The following LRRIQ3 variants were observed in gnomAD, a reference collection of about 807,000 sequenced individuals.
LRRIQ3 encodes the protein leucine rich repeats and IQ motif containing 3.
LRRIQ3 carries 75 observed loss-of-function variants against 59.3 expected under a neutral mutation model. That is an observed-to-expected ratio of 1.26 (90% CI 1.05 to 1.53). The LOEUF (loss-of-function observed/expected upper bound fraction) is 1.53, where lower values mean the gene tolerates loss of function less well. Among genes scored for constraint, LRRIQ3 ranks in the 40% most tolerant of loss-of-function variants. The probability of loss-of-function intolerance (pLI) is 0.00; values close to 1 mark genes in which losing one functional copy is unlikely to be tolerated. For missense variants in LRRIQ3, 831 were observed against 710.0 expected (o/e 1.17, Z -1.94); for synonymous variants, 250 against 231.3 (o/e 1.08, Z -0.73).
chr1:74,197,000 T>C (rs959634068), intron 1 of LRRIQ3, among the ~76,000 whole-genome samples: 1 of 152,252 alleles, frequency 6.6e-6, no homozygotes, highest in Non-Finnish European at 1.5e-5. Context: ...CTTTGTTCTC[T>C]CTCTGACCTT....
intron 3 of LRRIQ3, 58 bp from the exon 4 acceptor site, chr1:74,155,924 A>T (rs1003218664): frequency 1.0e-6 from 1 of 989,660 alleles, no homozygotes; most frequent in Admixed American, 3.9e-5. Flanking sequence ...TTTTCAAAAG[A>T]TATTTTAAAT....
chr1:74,042,024 C>T, intron 6 of LRRIQ3, 91 bp from the exon 7 acceptor site: 1 of 1,251,444 alleles, frequency 8.0e-7, no homozygotes, highest in Non-Finnish European at 1.0e-6. Context: ...TTGATAAGAA[C>T]CTTTTATTTA....
chr1:74,064,994 A>AT (rs1200680215), intron 6 of LRRIQ3, among the ~76,000 whole-genome samples: 2 of 151,966 alleles, frequency 1.3e-5, no homozygotes, highest in African/African-American at 2.4e-5. Flanking sequence ...GAAAGTAACT[A>AT]TTTTTTCAAT....
intron 5 of LRRIQ3, among the ~76,000 whole-genome samples, chr1:74,106,842 C>G (rs1646621463): frequency 1.3e-5 from 2 of 151,912 alleles, no homozygotes; most frequent in South Asian, 4.2e-4. Flanking sequence ...ATTGAACTCC[C>G]ACAGTTCTGT....
At chr1:74,156,296 G>A (rs1304142869) in intron 3 of LRRIQ3, among the ~76,000 whole-genome samples, 8 of 152,028 alleles carry the variant, frequency 5.3e-5, no homozygotes, top group African/African-American at 1.9e-4. Flanking sequence ...AGAAACAGAT[G>A]CCAGCACCAT....
rs187352408 is a variant in LRRIQ3 at position 74,179,596 on chromosome 1, C to T, written c.573+2942G>A. ...AACATTACTAAATAATTATCTCCAT[C>T]GGTTCATATTTATTCCTTCTCAAGA... is the stretch of plus-strand genomic sequence containing the variant. On this transcript the variant is annotated intron_variant, in intron 3 of 7. Coordinates refer to ENST00000354431, the MANE Select transcript of LRRIQ3 (RefSeq NM_001105659.2). Among the ~76,000 whole-genome samples, 482 of 151,950 alleles carry T rather than the reference C, an allele frequency of 3.2e-3. 3 individuals carry two copies. The highest frequency in any genetic ancestry group is 6.8e-3 in the African/African-American group (282 of 41,494).
At chr1:74,170,198 T>C (rs570226944) in intron 3 of LRRIQ3, among the ~76,000 whole-genome samples, 1 of 152,194 alleles carries the variant, frequency 6.6e-6, no homozygotes, top group Admixed American at 6.5e-5. Context: ...CTTAATGGAC[T>C]GTTTTTGCTT....
At position 74,154,240 on chromosome 1, in the gene LRRIQ3, C is replaced by CAAAAAAAAAAAAAAAAAAAAAAAAAAA. The variant is rs71078186; in HGVS notation, c.707+1466_707+1492dup. On this transcript the variant is annotated intron_variant, in intron 4 of 7. Transcript: ENST00000354431. ...TGGGCGACAGAGCGAGACTCCTTCT[C>CAAAAAAAAAAAAAAAAAAAAAAAAAAA]AAAAAAAAAAAAAAAAAAAAAAAAA... is the stretch of plus-strand genomic sequence containing the variant. 1.0e-4 allele frequency among the ~76,000 whole-genome samples: 6 copies of CAAAAAAAAAAAAAAAAAAAAAAAAAAA among 57,278 alleles called. 1 individual carries two copies. Among genetic ancestry groups the CAAAAAAAAAAAAAAAAAAAAAAAAAAA allele is most frequent in the African/African-American group, 1.5e-4 (2 of 13,730 alleles). 37.6% of individuals were successfully genotyped at this position (57,278 alleles called of 152,430 possible). A position where few individuals can be genotyped will look rare whatever the true frequency, so the allele number is the denominator to read the frequency against.
At chr1:74,109,313 A>G in intron 5 of LRRIQ3, 81 bp downstream of exon 5, 1 of 1,000,148 alleles carries the variant, frequency 1.0e-6, no homozygotes, top group South Asian at 1.5e-5. Context: ...TAGAGACTGA[A>G]GAAATAATAG....
rs544129030 is a variant in LRRIQ3 at position 74,043,344 on chromosome 1, T to C, written c.998-1411A>G. Reference sequence around the variant, plus strand: ...GTCAAATATGATGCTGGTGGTTTTATGGAAGTTAAGTGAACTATGAAGAAG... The same window carrying C: ...GTCAAATATGATGCTGGTGGTTTTACGGAAGTTAAGTGAACTATGAAGAAG... On this transcript the variant is annotated intron_variant, in intron 6 of 7. Coordinates refer to ENST00000354431, the MANE Select transcript of LRRIQ3 (RefSeq NM_001105659.2). 5.3e-5 allele frequency among the ~76,000 whole-genome samples: 8 copies of C among 152,218 alleles called. No homozygotes were observed. In the South Asian group the frequency reaches 1.7e-3, roughly 32 times the overall value.
chr1:74,142,177 T>C lies in LRRIQ3; in HGVS notation c.707+13556A>G, dbSNP rs377581547. ...AATTCGAAAGACTGGGGTTGAATTG[T>C]TGCATCATATGGTAGTACTATTTTA... On this transcript the variant is annotated intron_variant, in intron 4 of 7. Transcript: ENST00000354431. 9.9e-5 allele frequency among the ~76,000 whole-genome samples: 15 copies of C among 151,944 alleles called. 1 individual carries two copies. The East Asian group carries it at 1.7e-3, about 18-fold the overall frequency.
At chr1:74,070,505 T>C (rs1304154) in intron 6 of LRRIQ3, among the ~76,000 whole-genome samples, 5,093 of 151,658 alleles carry the variant, frequency 0.034, 309 homozygotes, top group African/African-American at 0.12. Context: ...GGGAGAGGAT[T>C]AAAAAAATAT....
At chr1:74,154,999 T>C (rs894907219) in intron 4 of LRRIQ3, among the ~76,000 whole-genome samples, 7 of 152,214 alleles carry the variant, frequency 4.6e-5, no homozygotes, top group Non-Finnish European at 1.0e-4. Context: ...TTACATCTCA[T>C]TGTGTCTATC....
chr1:74,196,544 A>G (rs1651147941), intron 1 of LRRIQ3, among the ~76,000 whole-genome samples: 1 of 152,122 alleles, frequency 6.6e-6, no homozygotes, highest in South Asian at 2.1e-4. Context: ...TTCACTGCAT[A>G]CACATGTCTC....
chr1:74,077,678 A>G (rs1013965811), intron 5 of LRRIQ3, among the ~76,000 whole-genome samples: 12 of 152,018 alleles, frequency 7.9e-5, no homozygotes, highest in Non-Finnish European at 1.8e-4. Context: ...GTTTTTAGAA[A>G]AGAAGAATTC....
At chr1:74,184,909 T>C (rs1039340235) in intron 1 of LRRIQ3, among the ~76,000 whole-genome samples, 6 of 152,194 alleles carry the variant, frequency 3.9e-5, no homozygotes, top group African/African-American at 9.6e-5. Context: ...ACTTCCAAAA[T>C]AGAAAAGATA....
At chr1:74,193,314 G>A (rs1227467788) in intron 1 of LRRIQ3, among the ~76,000 whole-genome samples, 8 of 152,080 alleles carry the variant, frequency 5.3e-5, no homozygotes, top group Non-Finnish European at 7.4e-5. Context: ...AAGAAATTCT[G>A]CAGTTAAAAA....
At chr1:74,163,200 A>G (rs985219286) in intron 3 of LRRIQ3, among the ~76,000 whole-genome samples, 2 of 151,550 alleles carry the variant, frequency 1.3e-5, no homozygotes, top group African/African-American at 2.4e-5. Context: ...TACCAATCCC[A>G]TAAGTGTTTA....
At chr1:74,195,278 C>A (rs1215836246) in intron 1 of LRRIQ3, among the ~76,000 whole-genome samples, 1 of 152,180 alleles carries the variant, frequency 6.6e-6, no homozygotes, top group East Asian at 1.9e-4. Context: ...AGCACAAGGA[C>A]TGGAAACAAG....
Sources: allele counts gnomAD v4.1 joint callset (sites outside exome capture counted in the v4.1 genomes callset), GRCh38; gene constraint gnomAD v4.1.1; transcripts MANE v1.5; gene names NCBI Gene and HGNC (gene_info 2026-07-23, HGNC 2026-07-21).